The following GPC3 variants were observed in gnomAD, a reference collection of about 807,000 sequenced individuals.
GPC3 encodes the protein glypican-3.
GPC3 carries 3 observed loss-of-function variants against 34.4 expected under a neutral mutation model. The observed-to-expected ratio is 0.09, with a 90% confidence interval of 0.04 to 0.23. The LOEUF (loss-of-function observed/expected upper bound fraction) is 0.23, where lower values mean the gene tolerates loss of function less well. Among genes scored for constraint, GPC3 ranks in the 10% least tolerant of loss-of-function variants. The pLI, the probability that GPC3 is intolerant of heterozygous loss-of-function variation, is 1.00. For synonymous variants in GPC3, 177 were observed against 174.0 expected (o/e 1.02, Z -0.13); for missense variants, 351 against 445.6 (o/e 0.79, Z 1.91).
chrX:133,830,476 C>T (rs944348169), intron 2 of GPC3, among the ~76,000 whole-genome samples: 4 of 109,806 alleles, frequency 3.6e-5, no homozygotes, highest in African/African-American at 6.6e-5. Context: ...GTCAGGAGTT[C>T]GAGACCAGCC....
intron 7 of GPC3, among the ~76,000 whole-genome samples, chrX:133,589,262 G>A (rs772564200): frequency 1.8e-5 from 2 of 112,027 alleles, no homozygotes; most frequent in Non-Finnish European, 3.8e-5. Context: ...TAACTGCCAC[G>A]TGTTGTGAGA....
chrX:133,928,644 G>A (rs905734887), intron 2 of GPC3, among the ~76,000 whole-genome samples: 6 of 111,664 alleles, frequency 5.4e-5, no homozygotes, highest in African/African-American at 2.0e-4. Context: ...GGTGTGAGGT[G>A]GTACCTCATG....
intron 5 of GPC3, among the ~76,000 whole-genome samples, chrX:133,662,719 C>T (rs887622535): frequency 8.9e-6 from 1 of 111,824 alleles, no homozygotes; most frequent in African/African-American, 3.3e-5. Context: ...ATTCCTTTTG[C>T]TTTCATCATG....
At chrX:133,858,393 T>C (rs1417457970) in intron 2 of GPC3, among the ~76,000 whole-genome samples, 1 of 112,047 alleles carries the variant, frequency 8.9e-6, no homozygotes, top group Non-Finnish European at 1.9e-5. Flanking sequence ...GAAAAACAGC[T>C]TGTCTAGCAG....
chrX:133,561,476 C>G (rs1264333053), intron 7 of GPC3, among the ~76,000 whole-genome samples: 1 of 112,193 alleles, frequency 8.9e-6, no homozygotes, highest in Non-Finnish European at 1.9e-5. Flanking sequence ...TATTTTAAAG[C>G]AGAAATAACT....
chrX:133,828,957 T>C (rs1396248383), intron 2 of GPC3, among the ~76,000 whole-genome samples: 1 of 111,821 alleles, frequency 8.9e-6, no homozygotes, highest in Admixed American at 9.5e-5. Flanking sequence ...TCCATAAATA[T>C]ATACAACATT....
At chrX:133,917,665 A>C (rs1034350479) in intron 2 of GPC3, among the ~76,000 whole-genome samples, 1 of 112,029 alleles carries the variant, frequency 8.9e-6, no homozygotes. Flanking sequence ...TTGGTTTTTC[A>C]AAAAGCAGTG....
intron 2 of GPC3, among the ~76,000 whole-genome samples, chrX:133,928,858 G>A (rs1391960825): frequency 1.8e-5 from 2 of 112,045 alleles, no homozygotes; most frequent in Non-Finnish European, 3.8e-5. Flanking sequence ...TATAAGGTTT[G>A]TAAATATTTG....
rs2071394743 is a variant in GPC3 at position 133,724,761 on chromosome X, G to A, written c.1033-24733C>T. ...GCAGGACTAGTGAAAGGAATGGGAAGTAATTTCCCTTTGAAAATAGAGGAT... is the reference window on the plus strand; with the variant it reads ...GCAGGACTAGTGAAAGGAATGGGAAATAATTTCCCTTTGAAAATAGAGGAT... On this transcript the variant is annotated intron_variant, in intron 3 of 7. Coordinates refer to ENST00000370818, the MANE Select transcript of GPC3 (RefSeq NM_004484.4). Among the ~76,000 whole-genome samples, 3 of 111,932 alleles carry A rather than the reference G, an allele frequency of 2.7e-5. No homozygotes were observed. The South Asian group carries it at 1.1e-3, about 42-fold the overall frequency.
rs137928057 is a variant in GPC3, at chrX:133,867,491, C to G, written c.337+85559G>C. Among the ~76,000 whole-genome samples, 224 of 110,258 alleles carry G rather than the reference C, an allele frequency of 2.0e-3. 1 individual carries two copies. The highest frequency in any genetic ancestry group is 7.2e-3 in the African/African-American group (217 of 30,336). On this transcript the variant is annotated intron_variant, in intron 2 of 7. Transcript: ENST00000370818. ...GGGGCCTATGGAATCACAAGCAGAG[C>G]AGTCTTTGGCATCTATTCATCCCAC...
At chrX:133,718,384 G>A (rs1383006949) in intron 3 of GPC3, among the ~76,000 whole-genome samples, 1 of 111,204 alleles carries the variant, frequency 9.0e-6, no homozygotes, top group Non-Finnish European at 1.9e-5. Context: ...GTTATAAAAT[G>A]TTAGTTGCAA....
intron 6 of GPC3, among the ~76,000 whole-genome samples, chrX:133,658,615 T>TATA (rs2070688873): frequency 8.9e-6 from 1 of 111,952 alleles, no homozygotes; most frequent in Non-Finnish European, 1.9e-5. Flanking sequence ...GTTTTGGCTA[T>TATA]ATAAAGCAAC....
At chrX:133,668,439 G>T (rs184389408) in intron 5 of GPC3, among the ~76,000 whole-genome samples, 1 of 111,272 alleles carries the variant, frequency 9.0e-6, no homozygotes, top group Non-Finnish European at 1.9e-5. Context: ...CACTGCTCTC[G>T]CATTGAAATG....
At chrX:133,762,667 C>T (rs1382995962) in intron 2 of GPC3, 1 of 298,567 alleles carries the variant, frequency 3.3e-6, no homozygotes, top group Non-Finnish European at 5.9e-6. Flanking sequence ...CGATGAGATA[C>T]CATCTCACAC....
chrX:133,947,830 G>T (rs2076375622), intron 2 of GPC3, among the ~76,000 whole-genome samples: 1 of 111,810 alleles, frequency 8.9e-6, no homozygotes, highest in Non-Finnish European at 1.9e-5. Flanking sequence ...TTCACTCATG[G>T]CCATGGTTTG....
intron 1 of GPC3, among the ~76,000 whole-genome samples, chrX:133,962,643 G>A (rs1051216018): frequency 3.6e-5 from 4 of 111,928 alleles, no homozygotes; most frequent in Non-Finnish European, 7.5e-5. Flanking sequence ...CTGCCAGAGG[G>A]ACTAAACTGA....
chrX:133,670,099 G>C (rs1398765293), intron 5 of GPC3, among the ~76,000 whole-genome samples: 1 of 111,845 alleles, frequency 8.9e-6, no homozygotes, highest in Non-Finnish European at 1.9e-5. Flanking sequence ...TGTAGAAGAG[G>C]AATAGAGTCA....
intron 3 of GPC3, among the ~76,000 whole-genome samples, chrX:133,715,623 C>A (rs2071305805): frequency 1.0e-5 from 1 of 96,571 alleles, no homozygotes; most frequent in Non-Finnish European, 2.0e-5. Context: ...TGTGCAAAAG[C>A]CTTTTCCCTG....
chrX:133,667,034 A>G (rs2124406637), intron 5 of GPC3, among the ~76,000 whole-genome samples: 1 of 112,021 alleles, frequency 8.9e-6, no homozygotes, highest in Non-Finnish European at 1.9e-5. Context: ...TTTATATAGC[A>G]GTTAATTAAA....
Sources: allele counts gnomAD v4.1 joint callset (sites outside exome capture counted in the v4.1 genomes callset), GRCh38; gene constraint gnomAD v4.1.1; transcripts MANE v1.5; gene names NCBI Gene and HGNC (gene_info 2026-07-23, HGNC 2026-07-21).